Variants in DISP1 observed in about 807,000 individuals in gnomAD.
The protein encoded by DISP1 is protein dispatched homolog 1.
In DISP1, 30 loss-of-function variants were observed where a neutral mutation model predicts 37.3. The observed-to-expected ratio is 0.80, with a 90% CI of 0.60 to 1.09. DISP1 has a LOEUF of 1.09. Among genes scored for constraint, DISP1 ranks in the 50% least tolerant of loss-of-function variants. The probability of loss-of-function intolerance (pLI) is 0.00; values close to 1 mark genes in which losing one functional copy is unlikely to be tolerated. For missense variants in DISP1, 1,598 were observed against 1,879.5 expected, an observed-to-expected ratio of 0.85 and a Z score of 2.77; for synonymous variants, 634 against 690.2, an observed-to-expected ratio of 0.92 and a Z score of 1.28.
chr1:223,003,051 T>C lies in DISP1; in HGVS notation c.1654T>C (p.Phe552Leu). The change falls in exon 9 of 9, where the codon TTC becomes CTC. Residue 552 changes from phenylalanine (F) to leucine (L), a missense_variant. Coordinates refer to ENST00000675850, the MANE Select transcript of DISP1 (RefSeq NM_001377229.1). The surrounding 1 kb of genome is among the most constrained non-coding windows in gnomAD (Gnocchi z 4.3). Reference sequence around the variant, plus strand: ...TTTTCTCTATCGTGTAGTATTTCACTTCGAATTTTTTCCTTTTATGAACCT... The same window carrying C: ...TTTTCTCTATCGTGTAGTATTTCACCTCGAATTTTTTCCTTTTATGAACCT... ...SYFLYRVVFH[F>L]EFFPFMNLTA... is the part of the protein sequence containing the mutation. The C allele has an allele frequency of 6.2e-7, 1 of 1,614,176 alleles. No individual in the cohort carries two copies. The highest frequency in any genetic ancestry group is 8.5e-7 in the Non-Finnish European group (1 of 1,180,026).
At chr1:222,828,363 A>G (rs1394890551) in intron 1 of DISP1, among the ~76,000 whole-genome samples, 1 of 152,072 alleles carries the variant, frequency 6.6e-6, no homozygotes, top group Non-Finnish European at 1.5e-5. Context: ...GTTAATATGC[A>G]TACTTAACAA....
chr1:222,967,355 T>G (rs369232331), intron 3 of DISP1, among the ~76,000 whole-genome samples: 1 of 152,160 alleles, frequency 6.6e-6, no homozygotes, highest in African/African-American at 2.4e-5. Flanking sequence ...AATTGTATCT[T>G]TGATTTCTTA....
chr1:222,852,637 T>C (rs926070137), intron 1 of DISP1, among the ~76,000 whole-genome samples: 1 of 152,258 alleles, frequency 6.6e-6, no homozygotes, highest in East Asian at 1.9e-4. Context: ...CATGTTTAGA[T>C]GTCTAAAGAA....
intron 2 of DISP1, among the ~76,000 whole-genome samples, chr1:222,931,368 A>G (rs1019079256): frequency 3.3e-5 from 5 of 151,674 alleles, no homozygotes; most frequent in African/African-American, 1.2e-4. Context: ...TCTTTTAGAC[A>G]TGCTTGTGAT....
intron 1 of DISP1, among the ~76,000 whole-genome samples, chr1:222,921,092 C>T (rs1283416050): frequency 6.6e-6 from 1 of 152,132 alleles, no homozygotes; most frequent in African/African-American, 2.4e-5. Context: ...GGCAGATCTC[C>T]TGAGCTCAGG....
intron 3 of DISP1, among the ~76,000 whole-genome samples, chr1:222,969,605 T>C (rs1676786484): frequency 1.3e-5 from 2 of 151,914 alleles, no homozygotes; most frequent in African/African-American, 4.8e-5. Context: ...GCAAATATAA[T>C]GGAACATGTG....
chr1:222,875,779 A>G (rs1239760859), intron 1 of DISP1, among the ~76,000 whole-genome samples: 1 of 151,266 alleles, frequency 6.6e-6, no homozygotes, highest in Non-Finnish European at 1.5e-5. Flanking sequence ...GTGAGCCAAG[A>G]TTGTGCCATT....
chr1:223,002,079 G>A (rs555887952), intron 8 of DISP1, among the ~76,000 whole-genome samples: 24 of 152,252 alleles, frequency 1.6e-4, no homozygotes, highest in African/African-American at 5.8e-4. Context: ...GACTAAGTAG[G>A]TGTTAATTTG....
intron 1 of DISP1, among the ~76,000 whole-genome samples, chr1:222,844,419 T>C (rs1667783599): frequency 6.6e-6 from 1 of 152,164 alleles, no homozygotes; most frequent in Non-Finnish European, 1.5e-5. Flanking sequence ...ATTAAATCTT[T>C]CAAGTATTAT....
intron 2 of DISP1, among the ~76,000 whole-genome samples, chr1:222,932,775 A>G (rs1673484605): frequency 6.6e-6 from 1 of 151,952 alleles, no homozygotes; most frequent in African/African-American, 2.4e-5. Flanking sequence ...TTACATGGAA[A>G]GATAATTTTT....
intron 1 of DISP1, among the ~76,000 whole-genome samples, chr1:222,889,519 A>C (rs919346410): frequency 6.6e-6 from 1 of 151,716 alleles, no homozygotes; most frequent in Non-Finnish European, 1.5e-5. Flanking sequence ...TCCAAATGTA[A>C]ATTTTTCATT....
intron 4 of DISP1, among the ~76,000 whole-genome samples, chr1:222,986,110 ATAGT>A (rs1678255396): frequency 6.6e-6 from 1 of 152,184 alleles, no homozygotes; most frequent in African/African-American, 2.4e-5. Context: ...AAAACCAAGA[ATAGT>A]TAGTTGACTT....
At chr1:222,864,315 A>G (rs1387279592) in intron 1 of DISP1, among the ~76,000 whole-genome samples, 1 of 152,250 alleles carries the variant, frequency 6.6e-6, no homozygotes, top group Non-Finnish European at 1.5e-5. Context: ...GAGTGAATAC[A>G]TAGTTATGGC....
intron 1 of DISP1, among the ~76,000 whole-genome samples, chr1:222,858,291 A>G (rs1185257813): frequency 2.0e-5 from 3 of 152,220 alleles, no homozygotes; most frequent in Non-Finnish European, 4.4e-5. Flanking sequence ...GAAAATTGAA[A>G]GTGGACCCCT....
intron 3 of DISP1, chr1:222,943,655 G>A (rs1329192067): frequency 7.7e-6 from 3 of 388,216 alleles, no homozygotes; most frequent in African/African-American, 2.1e-5. Flanking sequence ...TACATGGGAA[G>A]CATATTTATG....
chr1:222,920,948 A>G (rs1672776050), intron 1 of DISP1, among the ~76,000 whole-genome samples: 1 of 152,210 alleles, frequency 6.6e-6, no homozygotes, highest in South Asian at 2.1e-4. Context: ...CATAATAAAT[A>G]AAAACTAAGA....
intron 1 of DISP1, chr1:222,824,092 C>T (rs1663659448): frequency 2.0e-5 from 3 of 150,326 alleles, no homozygotes; most frequent in Non-Finnish European, 4.4e-5. Context: ...AAGATAAATA[C>T]TTCTAATTTA....
chr1:222,918,611 C>G (rs997803892), intron 1 of DISP1, among the ~76,000 whole-genome samples: 2 of 152,118 alleles, frequency 1.3e-5, no homozygotes, highest in African/African-American at 4.8e-5. Flanking sequence ...AGTAGACCCA[C>G]TTGTGCAGTG....
intron 2 of DISP1, among the ~76,000 whole-genome samples, chr1:222,937,172 G>C (rs369553473): frequency 6.7e-6 from 1 of 148,608 alleles, no homozygotes. Context: ...TCACTGCAAG[G>C]TCCGCCTCCT....
Sources: gnomAD v4.1 joint callset for allele counts (sites outside exome capture counted in the v4.1 genomes callset) on GRCh38, gnomAD v4.1.1 for gene constraint, Gnocchi (gnomAD v3.1) non-coding constraint, MANE v1.5 for transcripts, NCBI Gene and HGNC (gene_info 2026-07-23, HGNC 2026-07-21) for gene names.